Variants in EFNA5 observed in about 807,000 individuals in gnomAD.
The protein encoded by EFNA5 is ephrin A5, also known as ephrin-A5.
In EFNA5, 5 loss-of-function variants were observed where a neutral mutation model predicts 22.9. That is an observed-to-expected ratio of 0.22 (90% CI 0.11 to 0.46). The LOEUF (loss-of-function observed/expected upper bound fraction) is 0.46. Ranked by LOEUF, EFNA5 falls within the 20% of genes least tolerant of loss-of-function variation. The pLI is 0.99. For missense variants in EFNA5, 237 were observed against 293.3 expected (o/e 0.81, Z 1.40); for synonymous variants, 113 against 112.2 (o/e 1.01, Z -0.04).
At position 107,377,975 on chromosome 5, in the gene EFNA5, A is replaced by G. The variant is rs1465196802; in HGVS notation, c.*3280T>C. 1.3e-5 allele frequency: 2 copies of G among 152,148 alleles called. No homozygotes were observed. The highest frequency in any genetic ancestry group is 2.9e-5 in the Non-Finnish European group (2 of 68,008). The allele number at this position is 152,148 out of a possible 1,614,324, so 9.4% of individuals were successfully genotyped here. A position where few individuals can be genotyped will look rare whatever the true frequency, so the allele number is the denominator to read the frequency against. ...TCATAAGATTGGGTGGGCAATGACC[A>G]CACATGAGTCCTGTATGGAGCAGTG... On this transcript the variant is annotated 3_prime_UTR_variant, in exon 5 of 5. Coordinates refer to ENST00000333274, the MANE Select transcript of EFNA5 (RefSeq NM_001962.3).
At chr5:107,538,030 T>C (rs1222237428) in intron 1 of EFNA5, among the ~76,000 whole-genome samples, 1 of 152,104 alleles carries the variant, frequency 6.6e-6, no homozygotes, top group Non-Finnish European at 1.5e-5. Flanking sequence ...TTTTATAGGG[T>C]GGACCTTCGA....
Position 107,435,202 on chromosome 5 carries a change from G to A in EFNA5, c.126-7693C>T, listed in dbSNP as rs937569515. Among the ~76,000 whole-genome samples, 57 of 152,104 alleles carry A rather than the reference G, an allele frequency of 3.7e-4. 1 individual carries two copies. Among genetic ancestry groups the A allele is most frequent in the Non-Finnish European group, 5.9e-5 (4 of 68,028 alleles). The stretch of plus-strand genomic sequence containing the variant: ...TATAAATATGTTTTTGTGAGGAGAT[G>A]GGCAGGACAGCAGTCTCTGTTGTAT... On this transcript the variant is annotated intron_variant, in intron 1 of 4. Transcript: ENST00000333274.
rs141603493 is a variant in EFNA5 at position 107,560,207 on chromosome 5, A to G, written c.125+110282T>C. ...AATTACTTTCAACTTCAAATTTTAC[A>G]TAATGCTTATCAGCCAATATACGAA... On this transcript the variant is annotated intron_variant, in intron 1 of 4. Coordinates refer to ENST00000333274, the MANE Select transcript of EFNA5 (RefSeq NM_001962.3). 6.5e-3 allele frequency among the ~76,000 whole-genome samples: 997 copies of G among 152,372 alleles called. 4 individuals carry two copies. The highest frequency in any genetic ancestry group is 0.023 in the African/African-American group (962 of 41,596).
At chr5:107,610,049 C>T (rs1749797559) in intron 1 of EFNA5, among the ~76,000 whole-genome samples, 1 of 152,212 alleles carries the variant, frequency 6.6e-6, no homozygotes, top group South Asian at 2.1e-4. Context: ...GGGAATCCCA[C>T]CTGTCCTTCA....
At chr5:107,507,789 T>C (rs769047885) in intron 1 of EFNA5, among the ~76,000 whole-genome samples, 7 of 152,172 alleles carry the variant, frequency 4.6e-5, no homozygotes, top group Non-Finnish European at 8.8e-5. Context: ...ATATGCTGAA[T>C]TAAATATAAA....
intron 2 of EFNA5, among the ~76,000 whole-genome samples, chr5:107,391,559 C>T (rs927107503): frequency 3.9e-5 from 6 of 152,180 alleles, no homozygotes; most frequent in African/African-American, 9.7e-5. Context: ...TCTAAAGACA[C>T]ATGGATTTTC....
intron 1 of EFNA5, among the ~76,000 whole-genome samples, chr5:107,591,763 G>C (rs6898233): frequency 0.12 from 16,073 of 136,576 alleles, 2,517 homozygotes; most frequent in African/African-American, 0.37. Context: ...GGAAGTTGCA[G>C]TGAGCCAAGA....
Position 107,380,625 on chromosome 5 carries a change from A to C in EFNA5, c.*630T>G, listed in dbSNP as rs1747425858. 16 of 385,852 alleles carry C rather than the reference A, an allele frequency of 4.1e-5. No homozygotes were observed. The East Asian group carries it at 5.9e-4, about 14-fold the overall frequency. The allele number at this position is 385,852 out of a possible 1,614,324, so 23.9% of individuals were successfully genotyped here. On this transcript the variant is annotated 3_prime_UTR_variant, in exon 5 of 5. Transcript: ENST00000333274. ...TTTAGAGAGCACAAGTTTTGCTGTC[A>C]AGAATGCTTTAAGACAGTCATATTA... is the stretch of plus-strand genomic sequence containing the variant.
chr5:107,478,646 C>A (rs770354869), intron 1 of EFNA5, among the ~76,000 whole-genome samples: 3 of 152,068 alleles, frequency 2.0e-5, no homozygotes, highest in African/African-American at 7.3e-5. Context: ...GTAAAAAGTA[C>A]GGAGAAGTAG....
At position 107,380,643 on chromosome 5, in the gene EFNA5, T is replaced by G. The variant is rs1040586989; in HGVS notation, c.*612A>C. The G allele has an allele frequency of 2.6e-6, 1 of 391,812 alleles. No homozygotes were observed. Among genetic ancestry groups the G allele is most frequent in the African/African-American group, 2.1e-5 (1 of 47,906 alleles). 24.3% of individuals were successfully genotyped at this position (391,812 alleles called of 1,614,324 possible). A position where few individuals can be genotyped will look rare whatever the true frequency, so the allele number is the denominator to read the frequency against. The stretch of plus-strand genomic sequence containing the variant: ...TGCTGTCAAGAATGCTTTAAGACAG[T>G]CATATTAAAAAAAAAAACCAGTGTC... On this transcript the variant is annotated 3_prime_UTR_variant, in exon 5 of 5. Transcript: ENST00000333274.
intron 1 of EFNA5, among the ~76,000 whole-genome samples, chr5:107,654,199 G>A (rs1397097472): frequency 6.6e-6 from 1 of 152,092 alleles, no homozygotes; most frequent in Non-Finnish European, 1.5e-5. Context: ...AGGTAAGATG[G>A]ATAGTTTGTT....
intron 1 of EFNA5, among the ~76,000 whole-genome samples, chr5:107,621,310 C>A (rs1311297542): frequency 2.0e-5 from 3 of 152,176 alleles, no homozygotes; most frequent in Admixed American, 2.0e-4. Flanking sequence ...CAGCCCTCAG[C>A]ACTGGCAAGA....
At chr5:107,432,320 C>T (rs1356940029) in intron 1 of EFNA5, among the ~76,000 whole-genome samples, 1 of 152,232 alleles carries the variant, frequency 6.6e-6, no homozygotes, top group Non-Finnish European at 1.5e-5. Context: ...AAAGAGGAAA[C>T]TGACATCTAG....
At position 107,647,308 on chromosome 5, in the gene EFNA5, G is replaced by A. The variant is rs182331129; in HGVS notation, c.125+23181C>T. ...TTTCTTCAGCATCTCACAATGCATC[G>A]TGGGTATAACTGTCTACAATAAATT... On this transcript the variant is annotated intron_variant, in intron 1 of 4. Coordinates refer to ENST00000333274, the MANE Select transcript of EFNA5 (RefSeq NM_001962.3). Among the ~76,000 whole-genome samples the A allele has an allele frequency of 1.1e-4, 17 of 152,126 alleles. No individual in the cohort carries two copies. The East Asian group carries it at 2.5e-3, about 22-fold the overall frequency.
intron 1 of EFNA5, among the ~76,000 whole-genome samples, chr5:107,479,907 G>C (rs992909849): frequency 2.6e-5 from 4 of 151,964 alleles, no homozygotes; most frequent in Admixed American, 2.0e-4. Flanking sequence ...ATGCACACCA[G>C]TATATTTTAA....
chr5:107,459,763 A>AT (rs1356867696), intron 1 of EFNA5, among the ~76,000 whole-genome samples: 1 of 152,150 alleles, frequency 6.6e-6, no homozygotes, highest in Non-Finnish European at 1.5e-5. Flanking sequence ...TCAAGCAATG[A>AT]TTGGTGAGTT....
At chr5:107,660,401 G>A (rs1047131968) in intron 1 of EFNA5, among the ~76,000 whole-genome samples, 2 of 146,914 alleles carry the variant, frequency 1.4e-5, no homozygotes, top group Non-Finnish European at 3.0e-5. Flanking sequence ...ATTTTAAAAT[G>A]TTTCCTTGAA....
chr5:107,436,452 C>T (rs1046497908), intron 1 of EFNA5, among the ~76,000 whole-genome samples: 3 of 152,188 alleles, frequency 2.0e-5, no homozygotes, highest in Admixed American at 6.5e-5. Context: ...AAAGACCTAA[C>T]ACATCACAGA....
chr5:107,522,124 GA>G (rs1747611296), intron 1 of EFNA5, among the ~76,000 whole-genome samples: 3 of 152,244 alleles, frequency 2.0e-5, no homozygotes, highest in African/African-American at 7.2e-5. Flanking sequence ...TCTGTTATCT[GA>G]ACACTAAAAA....
Sources: gnomAD v4.1 joint callset for allele counts (sites outside exome capture counted in the v4.1 genomes callset) on GRCh38, gnomAD v4.1.1 for gene constraint, MANE v1.5 for transcripts, NCBI Gene and HGNC (gene_info 2026-07-23, HGNC 2026-07-21) for gene names.